The following ST8SIA2 variants were observed in gnomAD, a reference collection of about 807,000 sequenced individuals.
ST8SIA2 encodes ST8 alpha-N-acetyl-neuraminide alpha-2,8-sialyltransferase 2.
Under a neutral mutation model 37.6 loss-of-function variants are expected in ST8SIA2, and 22 were observed. The ratio of observed to expected loss-of-function variants is 0.58; its 90% CI spans 0.42 to 0.83. The LOEUF is 0.83. Ranked by LOEUF, ST8SIA2 falls within the 40% of genes least tolerant of loss-of-function variation. The probability of loss-of-function intolerance (pLI) is 0.00; values close to 1 mark genes in which losing one functional copy is unlikely to be tolerated. For synonymous variants in ST8SIA2, 205 were observed against 201.2 expected (o/e 1.02, Z -0.16); for missense variants, 382 against 484.7 (o/e 0.79, Z 1.99).
chr15:92,421,381 A>C (rs150670623), intron 1 of ST8SIA2: 1 of 152,258 alleles, frequency 6.6e-6, no homozygotes, highest in African/African-American at 2.4e-5. Context: ...ATTGGCTCAC[A>C]GGTGAAATCC....
At chr15:92,428,507 G>A (rs1197430958) in intron 1 of ST8SIA2, among the ~76,000 whole-genome samples, 1 of 152,180 alleles carries the variant, frequency 6.6e-6, no homozygotes, top group East Asian at 1.9e-4. Flanking sequence ...TTAGGGTCCA[G>A]CTGGTGGCAT....
chr15:92,405,031 C>T (rs2049497804), intron 1 of ST8SIA2, among the ~76,000 whole-genome samples: 1 of 152,104 alleles, frequency 6.6e-6, no homozygotes, highest in Non-Finnish European at 1.5e-5. Flanking sequence ...GAGGCACAGG[C>T]AGGAGGATAG....
At chr15:92,403,061 G>A (rs1199968869) in intron 1 of ST8SIA2, among the ~76,000 whole-genome samples, 1 of 152,092 alleles carries the variant, frequency 6.6e-6, no homozygotes, top group Non-Finnish European at 1.5e-5. Flanking sequence ...CTTAATGCAA[G>A]GAGATAGCAC....
chr15:92,419,674 A>G (rs990081192), intron 1 of ST8SIA2, among the ~76,000 whole-genome samples: 1 of 152,180 alleles, frequency 6.6e-6, no homozygotes, highest in Non-Finnish European at 1.5e-5. Flanking sequence ...GGATGGGGGA[A>G]CCAGCAAAGG....
chr15:92,441,336 T>C (rs1596244264), intron 4 of ST8SIA2, among the ~76,000 whole-genome samples: 1 of 151,596 alleles, frequency 6.6e-6, no homozygotes, highest in Non-Finnish European at 1.5e-5. Flanking sequence ...GTAAAAGTGG[T>C]GAGGAGGAGG....
At chr15:92,419,608 C>T (rs1477344225) in intron 1 of ST8SIA2, among the ~76,000 whole-genome samples, 2 of 152,076 alleles carry the variant, frequency 1.3e-5, no homozygotes, top group Non-Finnish European at 2.9e-5. Flanking sequence ...ATGTCCAGGA[C>T]GCCGAGGCAG....
At position 92,395,745 on chromosome 15, in the gene ST8SIA2, C is replaced by T. The variant is rs185781336; in HGVS notation, c.98+1583C>T. Among the ~76,000 whole-genome samples the T allele has an allele frequency of 9.2e-5, 14 of 152,302 alleles. No homozygotes were observed. In the East Asian group the frequency reaches 2.5e-3, roughly 27 times the overall value. ...TGAGGAGGGCCTTCCTCTAGGCTCT[C>T]CGGCTTCTGATTCCGGATGTGGGCA... On this transcript the variant is annotated intron_variant, in intron 1 of 5. Coordinates refer to ENST00000268164, the MANE Select transcript of ST8SIA2 (RefSeq NM_006011.4).
chr15:92,394,026 G>A lies in ST8SIA2; in HGVS notation c.-39G>A. The A allele has an allele frequency of 6.6e-7, 1 of 1,511,282 alleles. No individual in the cohort carries two copies. Among genetic ancestry groups the A allele is most frequent in the Non-Finnish European group, 8.9e-7 (1 of 1,121,716 alleles). The allele number at this position is 1,511,282 out of a possible 1,614,324, so 93.6% of individuals were successfully genotyped here. On this transcript the variant is annotated 5_prime_UTR_variant, in exon 1 of 6. Transcript: ENST00000268164. ...CTGCGCCCTCCGGCCCCTGCTCCTC[G>A]CGCCGGCCCGCGTGGGTCCCGGCGG...
chr15:92,400,545 C>T (rs895707938), intron 1 of ST8SIA2, among the ~76,000 whole-genome samples: 5 of 152,148 alleles, frequency 3.3e-5, no homozygotes, highest in African/African-American at 1.2e-4. Flanking sequence ...CTGGCTATGA[C>T]GTTATTCACC....
chr15:92,460,470 G>A (rs960692439), intron 5 of ST8SIA2, among the ~76,000 whole-genome samples: 1 of 152,200 alleles, frequency 6.6e-6, no homozygotes, highest in East Asian at 1.9e-4. Flanking sequence ...ACTTTGCAGG[G>A]ATCTGTGAGA....
At chr15:92,463,353 C>A (rs1469205747) in intron 5 of ST8SIA2, among the ~76,000 whole-genome samples, 2 of 152,192 alleles carry the variant, frequency 1.3e-5, no homozygotes, top group Non-Finnish European at 2.9e-5. Flanking sequence ...AGAGAGTGGG[C>A]AGAACCCAGC....
intron 3 of ST8SIA2, among the ~76,000 whole-genome samples, chr15:92,435,474 G>A (rs1171297745): frequency 6.6e-6 from 1 of 152,128 alleles, no homozygotes; most frequent in Non-Finnish European, 1.5e-5. Context: ...AGGACCAGAC[G>A]GGGAATGATT....
intron 1 of ST8SIA2, among the ~76,000 whole-genome samples, chr15:92,421,670 G>T (rs996870950): frequency 6.6e-6 from 1 of 152,196 alleles, no homozygotes; most frequent in African/African-American, 2.4e-5. Flanking sequence ...GCGAGTGTTA[G>T]CTCCGAGCTT....
At chr15:92,407,079 T>G (rs1596230223) in intron 1 of ST8SIA2, among the ~76,000 whole-genome samples, 2 of 152,046 alleles carry the variant, frequency 1.3e-5, no homozygotes, top group East Asian at 3.9e-4. Context: ...GTTGGATTCC[T>G]GAGTGTATGC....
intron 4 of ST8SIA2, among the ~76,000 whole-genome samples, chr15:92,442,474 G>T (rs1042436391): frequency 1.2e-4 from 18 of 152,132 alleles, no homozygotes; most frequent in African/African-American, 2.4e-4. Flanking sequence ...CATTCTCCTT[G>T]CCTCTTTCAC....
intron 1 of ST8SIA2, among the ~76,000 whole-genome samples, chr15:92,400,778 G>A (rs146634784): frequency 3.3e-5 from 5 of 152,254 alleles, no homozygotes; most frequent in African/African-American, 1.2e-4. Context: ...AGGACAGCCG[G>A]CCCCGTCTAC....
chr15:92,425,968 G>A (rs977548271), intron 1 of ST8SIA2, among the ~76,000 whole-genome samples: 2 of 151,962 alleles, frequency 1.3e-5, no homozygotes, highest in Admixed American at 6.6e-5. Flanking sequence ...TTTCTCCAGC[G>A]TCAGAAAAGC....
chr15:92,403,970 G>A (rs757824632), intron 1 of ST8SIA2, among the ~76,000 whole-genome samples: 73 of 152,292 alleles, frequency 4.8e-4, no homozygotes, highest in South Asian at 6.2e-4. Context: ...GCTGACAGAC[G>A]GCATCCCAAA....
At chr15:92,419,879 T>A (rs555085652) in intron 1 of ST8SIA2, among the ~76,000 whole-genome samples, 1 of 152,162 alleles carries the variant, frequency 6.6e-6, no homozygotes, top group Non-Finnish European at 1.5e-5. Context: ...CTTTGTTTGT[T>A]TCTTTGAGAT....
Sources: allele counts gnomAD v4.1 joint callset (sites outside exome capture counted in the v4.1 genomes callset), GRCh38; gene constraint gnomAD v4.1.1; transcripts MANE v1.5; gene names NCBI Gene and HGNC (gene_info 2026-07-23, HGNC 2026-07-21).